Variants in HIVEP3 observed in about 807,000 individuals in gnomAD.
The protein encoded by HIVEP3 is transcription factor HIVEP3.
A neutral mutation model predicts 152.8 loss-of-function variants in HIVEP3; 49 were observed. The observed-to-expected ratio is 0.32, with a 90% CI of 0.26 to 0.41. The LOEUF (loss-of-function observed/expected upper bound fraction) is 0.41, where lower values mean the gene tolerates loss of function less well. Ranked by LOEUF, HIVEP3 falls within the 10% of genes least tolerant of loss-of-function variation. The pLI, the probability that HIVEP3 is intolerant of heterozygous loss-of-function variation, is 1.00. For synonymous variants in HIVEP3, 1,269 were observed against 1,289.0 expected, an observed-to-expected ratio of 0.98 and a Z score of 0.33; for missense variants, 2,790 against 3,103.3, an observed-to-expected ratio of 0.90 and a Z score of 2.40.
chr1:41,938,377 C>G (rs1287192330), intron 1 of HIVEP3, among the ~76,000 whole-genome samples: 1 of 152,190 alleles, frequency 6.6e-6, no homozygotes, highest in Non-Finnish European at 1.5e-5. Context: ...GGAACAGTAA[C>G]TAACACATAG....
chr1:41,942,742 A>G (rs1645052049), intron 1 of HIVEP3, among the ~76,000 whole-genome samples: 2 of 152,216 alleles, frequency 1.3e-5, no homozygotes, highest in South Asian at 4.1e-4. Flanking sequence ...AAAACTGAGA[A>G]TTATATGAAT....
chr1:41,898,421 A>G (rs1371291394), intron 1 of HIVEP3, among the ~76,000 whole-genome samples: 2 of 152,134 alleles, frequency 1.3e-5, no homozygotes, highest in Non-Finnish European at 2.9e-5. Context: ...TCTTGCACTC[A>G]TCTCTAAGTA....
intron 1 of HIVEP3, among the ~76,000 whole-genome samples, chr1:41,736,314 G>A (rs1376158400): frequency 6.6e-6 from 1 of 152,192 alleles, no homozygotes; most frequent in African/African-American, 2.4e-5. Flanking sequence ...CTTGGCAGGT[G>A]CATTCTCTGT....
chr1:41,961,990 C>G (rs1016870529), intron 1 of HIVEP3, among the ~76,000 whole-genome samples: 1 of 152,206 alleles, frequency 6.6e-6, no homozygotes, highest in Non-Finnish European at 1.5e-5. Flanking sequence ...TCCCAGCAAA[C>G]ATTAGCTAGA....
intron 5 of HIVEP3, among the ~76,000 whole-genome samples, chr1:41,560,696 C>G (rs370879177): frequency 6.6e-6 from 1 of 152,244 alleles, no homozygotes; most frequent in African/African-American, 2.4e-5. Flanking sequence ...TTTCTTCATA[C>G]ACCACAGCGG....
At chr1:41,556,371 T>G (rs556478018) in intron 5 of HIVEP3, among the ~76,000 whole-genome samples, 1 of 152,342 alleles carries the variant, frequency 6.6e-6, no homozygotes, top group South Asian at 2.1e-4. Context: ...ATTTCCCTCA[T>G]GATTAGTGAG....
chr1:41,933,569 G>T (rs923425498), intron 1 of HIVEP3, among the ~76,000 whole-genome samples: 3 of 152,112 alleles, frequency 2.0e-5, no homozygotes, highest in Admixed American at 1.3e-4. Flanking sequence ...ACTAAAGTGG[G>T]TTTCTTACAG....
intron 3 of HIVEP3, among the ~76,000 whole-genome samples, chr1:41,616,125 G>A (rs1176458420): frequency 1.3e-5 from 2 of 152,020 alleles, no homozygotes; most frequent in African/African-American, 4.8e-5. Context: ...TGTGGTGGGT[G>A]GATCTGAGCA....
At position 41,533,827 on chromosome 1, in the gene HIVEP3, A is replaced by G. The variant is rs1303812397; in HGVS notation, c.5208-8917T>C. On this transcript the variant is annotated intron_variant, in intron 5 of 8. Coordinates refer to ENST00000372583, the MANE Select transcript of HIVEP3 (RefSeq NM_024503.5). This position sits in a 1 kb window ranked among gnomAD's most constrained non-coding sequence, Gnocchi z 4.3. Reference sequence around the variant, plus strand: ...TCTCTCGAGTTCCGATGCCTTTGCTATACATCTAACTGCCTTAGTATCACC... The same window carrying G: ...TCTCTCGAGTTCCGATGCCTTTGCTGTACATCTAACTGCCTTAGTATCACC... 6.6e-6 allele frequency among the ~76,000 whole-genome samples: 1 copy of G among 151,790 alleles called. No homozygotes were observed.
chr1:41,913,769 A>G (rs1024537345), intron 1 of HIVEP3, among the ~76,000 whole-genome samples: 18 of 152,236 alleles, frequency 1.2e-4, no homozygotes, highest in African/African-American at 4.1e-4. Context: ...ATAGACTAAA[A>G]TTGGTGACTG....
At chr1:41,981,854 G>T (rs953097865) in intron 1 of HIVEP3, among the ~76,000 whole-genome samples, 1 of 152,214 alleles carries the variant, frequency 6.6e-6, no homozygotes, top group Non-Finnish European at 1.5e-5. Flanking sequence ...GGGCACTTCA[G>T]TCTCGTGGCA....
At chr1:41,740,634 C>T (rs1646983126) in intron 1 of HIVEP3, among the ~76,000 whole-genome samples, 1 of 152,246 alleles carries the variant, frequency 6.6e-6, no homozygotes, top group South Asian at 2.1e-4. Context: ...CCCACCACTA[C>T]ACAGGCCCTG....
chr1:41,878,367 A>T (rs1402311445), intron 1 of HIVEP3, among the ~76,000 whole-genome samples: 1 of 152,202 alleles, frequency 6.6e-6, no homozygotes, highest in Admixed American at 6.5e-5. Flanking sequence ...AAAGGATATG[A>T]GGGTCCTGCT....
intron 2 of HIVEP3, among the ~76,000 whole-genome samples, chr1:41,684,477 G>C (rs891254146): frequency 1.3e-5 from 2 of 152,220 alleles, no homozygotes; most frequent in Admixed American, 6.5e-5. Context: ...CTGGGGTCAG[G>C]AGTCACCTCC....
In HIVEP3 at chr1:41,510,301, C is replaced by G. The variant is rs1644430626; in HGVS notation, c.*150G>C. 2 of 521,698 alleles carry G rather than the reference C, an allele frequency of 3.8e-6. No homozygotes were observed. Among genetic ancestry groups the G allele is most frequent in the African/African-American group, 4.0e-5 (2 of 50,384 alleles). 32.3% of individuals were successfully genotyped at this position (521,698 alleles called of 1,614,324 possible). A position where few individuals can be genotyped will look rare whatever the true frequency, so the allele number is the denominator to read the frequency against. ...GTGTAGAAAAAGGCACAGGTAACTG[C>G]ATACATGGGAAGGTACAACAGATGG... On this transcript the variant is annotated 3_prime_UTR_variant, in exon 9 of 9. Coordinates refer to ENST00000372583, the MANE Select transcript of HIVEP3 (RefSeq NM_024503.5).
chr1:42,002,297 T>A (rs1454451074), intron 1 of HIVEP3, among the ~76,000 whole-genome samples: 2 of 152,030 alleles, frequency 1.3e-5, no homozygotes, highest in African/African-American at 4.8e-5. Flanking sequence ...GGGACCCAGA[T>A]GGCCCAGCAA....
intron 5 of HIVEP3, among the ~76,000 whole-genome samples, chr1:41,526,466 CCA>C (rs1375546951): frequency 1.5e-4 from 19 of 127,450 alleles, no homozygotes; most frequent in South Asian, 2.8e-4. Flanking sequence ...GCTCACACCC[CCA>C]CACTCACCTT....
chr1:41,668,667 T>C (rs1645831005), intron 2 of HIVEP3, among the ~76,000 whole-genome samples: 1 of 152,230 alleles, frequency 6.6e-6, no homozygotes, highest in South Asian at 2.1e-4. Flanking sequence ...AGCTCCCCTG[T>C]AAATTCTCTT....
chr1:41,553,540 TTA>T (rs1178023482), intron 5 of HIVEP3, among the ~76,000 whole-genome samples: 1 of 152,248 alleles, frequency 6.6e-6, no homozygotes, highest in East Asian at 1.9e-4. Flanking sequence ...GATCCTGTCA[TTA>T]TGATATTAGC....
Sources: gnomAD v4.1 joint callset for allele counts (sites outside exome capture counted in the v4.1 genomes callset) on GRCh38, gnomAD v4.1.1 for gene constraint, Gnocchi (gnomAD v3.1) non-coding constraint, MANE v1.5 for transcripts, NCBI Gene and HGNC (gene_info 2026-07-23, HGNC 2026-07-21) for gene names.